The following TBC1D32 variants were observed in gnomAD, a reference collection of about 807,000 sequenced individuals.
TBC1D32 encodes the protein protein broad-minded.
A neutral mutation model predicts 170.3 loss-of-function variants in TBC1D32; 151 were observed. The observed-to-expected ratio is 0.89, with a 90% CI of 0.78 to 1.01. The LOEUF (loss-of-function observed/expected upper bound fraction) is 1.01. Among genes scored for constraint, TBC1D32 ranks in the 50% least tolerant of loss-of-function variants. The probability of loss-of-function intolerance (pLI) is 0.00; values close to 1 mark genes in which losing one functional copy is unlikely to be tolerated. For missense variants in TBC1D32, 1,464 were observed against 1,457.1 expected, an observed-to-expected ratio of 1.00 and a Z score of -0.08; for synonymous variants, 498 against 488.0, an observed-to-expected ratio of 1.02 and a Z score of -0.27.
chr6:121,191,033 G>T (rs1459677261), intron 22 of TBC1D32, among the ~76,000 whole-genome samples: 1 of 39,038 alleles, frequency 2.6e-5, no homozygotes, highest in East Asian at 7.2e-4. Flanking sequence ...CAAATACAAT[G>T]TGTGTATGCA....
At chr6:121,325,951 G>C (rs1246150532) in intron 1 of TBC1D32, among the ~76,000 whole-genome samples, 1 of 152,146 alleles carries the variant, frequency 6.6e-6, no homozygotes, top group Non-Finnish European at 1.5e-5. Flanking sequence ...CCATCAAAAA[G>C]TGGGTGAAGC....
chr6:121,093,885 A>T, intron 30 of TBC1D32, among the ~76,000 whole-genome samples: 1 of 152,284 alleles, frequency 6.6e-6, no homozygotes, highest in East Asian at 1.9e-4. Flanking sequence ...AAAGGTATAG[A>T]TGTTATTATT....
At chr6:121,280,335 C>A (rs887575498) in intron 14 of TBC1D32, among the ~76,000 whole-genome samples, 2 of 151,588 alleles carry the variant, frequency 1.3e-5, no homozygotes, top group African/African-American at 4.8e-5. Flanking sequence ...AGGCAATAAA[C>A]ACGTATTATT....
At chr6:121,262,743 C>T (rs1799932005) in intron 15 of TBC1D32, among the ~76,000 whole-genome samples, 1 of 152,104 alleles carries the variant, frequency 6.6e-6, no homozygotes, top group Non-Finnish European at 1.5e-5. Flanking sequence ...TCCCAAAGTG[C>T]GAGGATTACA....
intron 24 of TBC1D32, among the ~76,000 whole-genome samples, chr6:121,133,071 A>G (rs1781615080): frequency 1.3e-5 from 2 of 151,888 alleles, no homozygotes; most frequent in South Asian, 4.1e-4. Flanking sequence ...TATAGGGTTA[A>G]AGGCTTAATT....
chr6:121,083,699 C>T (rs761195897), intron 31 of TBC1D32, among the ~76,000 whole-genome samples: 17 of 152,048 alleles, frequency 1.1e-4, no homozygotes, highest in Non-Finnish European at 1.6e-4. Flanking sequence ...AAAAGGAACA[C>T]GGGATTTGGA....
chr6:121,316,850 G>A (rs915740025), intron 3 of TBC1D32, among the ~76,000 whole-genome samples: 4 of 151,594 alleles, frequency 2.6e-5, no homozygotes, highest in African/African-American at 9.7e-5. Flanking sequence ...AGGTGAGATC[G>A]ACACCAGGGT....
At chr6:121,264,032 C>T (rs759638568) in intron 15 of TBC1D32, among the ~76,000 whole-genome samples, 17 of 151,766 alleles carry the variant, frequency 1.1e-4, no homozygotes, top group South Asian at 4.2e-4. Flanking sequence ...AAATAACTAG[C>T]GAATCAAGAG....
chr6:121,182,289 C>T (rs74296976), intron 22 of TBC1D32, among the ~76,000 whole-genome samples: 7,848 of 151,978 alleles, frequency 0.052, 232 homozygotes, highest in African/African-American at 0.079. Flanking sequence ...TATTTTATCA[C>T]ATATTTATAT....
At chr6:121,319,020 ATT>A (rs1175417262) in intron 2 of TBC1D32, among the ~76,000 whole-genome samples, 1 of 149,808 alleles carries the variant, frequency 6.7e-6, no homozygotes, top group African/African-American at 2.4e-5. Flanking sequence ...ATATTTTAAA[ATT>A]TTGTTAGATA....
At chr6:121,114,949 G>C (rs949822480) in intron 27 of TBC1D32, among the ~76,000 whole-genome samples, 1 of 152,116 alleles carries the variant, frequency 6.6e-6, no homozygotes, top group Non-Finnish European at 1.5e-5. Flanking sequence ...TAAACACACT[G>C]TAATTGGCCT....
chr6:121,268,408 A>T (rs1800854112), intron 15 of TBC1D32, among the ~76,000 whole-genome samples: 1 of 152,186 alleles, frequency 6.6e-6, no homozygotes, highest in South Asian at 2.1e-4. Flanking sequence ...AGCACAGAGA[A>T]GATCTTAAAT....
intron 24 of TBC1D32, among the ~76,000 whole-genome samples, chr6:121,157,869 C>A (rs765877160): frequency 1.3e-5 from 2 of 152,120 alleles, no homozygotes; most frequent in African/African-American, 2.4e-5. Context: ...GCTGAAAAGT[C>A]TGTTGCTAGC....
Position 121,106,005 on chromosome 6 carries a change from T to C in TBC1D32, c.3465+18A>G, listed in dbSNP as rs202069287. 7.0e-5 allele frequency: 111 copies of C among 1,579,608 alleles called. No homozygotes were observed. In the African/African-American group the frequency reaches 1.2e-3, roughly 17 times the overall value. Reference sequence around the variant, plus strand: ...TGAGATAAAGGAGTTGGAGAAATGCTACTCCCTTATGGATTACCTGTGATG... The same window carrying C: ...TGAGATAAAGGAGTTGGAGAAATGCCACTCCCTTATGGATTACCTGTGATG... On this transcript the variant is annotated intron_variant, in intron 30 of 31. Coordinates refer to ENST00000398212, the MANE Select transcript of TBC1D32 (RefSeq NM_152730.6).
At chr6:121,213,758 A>T (rs1793454096) in intron 21 of TBC1D32, among the ~76,000 whole-genome samples, 1 of 151,758 alleles carries the variant, frequency 6.6e-6, no homozygotes, top group Non-Finnish European at 1.5e-5. Context: ...CTATCAAACT[A>T]ACAATGACAT....
intron 9 of TBC1D32, among the ~76,000 whole-genome samples, chr6:121,300,014 G>C (rs1363146734): frequency 1.3e-5 from 2 of 152,058 alleles, no homozygotes; most frequent in East Asian, 1.9e-4. Flanking sequence ...TCTCTCCTTG[G>C]AGCAAAATAT....
chr6:121,255,972 G>T, intron 16 of TBC1D32, 112 bp downstream of exon 16: 2 of 896,224 alleles, frequency 2.2e-6, no homozygotes, highest in Non-Finnish European at 3.4e-6. Flanking sequence ...TGATGCTAAA[G>T]AAGTCATATT....
At chr6:121,170,439 C>T (rs774940511) in intron 22 of TBC1D32, 1 of 1,606,294 alleles carries the variant, frequency 6.2e-7, no homozygotes, top group Non-Finnish European at 8.5e-7. Flanking sequence ...ATATTTTCTT[C>T]TTGAGCATTT....
chr6:121,101,823 G>T (rs1312150336), intron 30 of TBC1D32, among the ~76,000 whole-genome samples: 1 of 152,108 alleles, frequency 6.6e-6, no homozygotes, highest in Non-Finnish European at 1.5e-5. Context: ...TGACATGATT[G>T]TATATTTAGA....
Sources: gnomAD v4.1 joint callset for allele counts (sites outside exome capture counted in the v4.1 genomes callset) on GRCh38, gnomAD v4.1.1 for gene constraint, MANE v1.5 for transcripts, NCBI Gene and HGNC (gene_info 2026-07-23, HGNC 2026-07-21) for gene names.